The following ATP2C1 variants were observed in gnomAD, a reference collection of about 807,000 sequenced individuals.
ATP2C1 encodes calcium-transporting ATPase type 2C member 1.
ATP2C1 carries 31 observed loss-of-function variants against 120.5 expected under a neutral mutation model. The observed-to-expected ratio is 0.26, with a 90% CI of 0.19 to 0.35. The LOEUF (loss-of-function observed/expected upper bound fraction) is 0.35, where lower values mean the gene tolerates loss of function less well. ATP2C1 is among the 10% of genes least tolerant of loss of function. ATP2C1 has a pLI of 1.00. For synonymous variants in ATP2C1, 351 were observed against 358.7 expected (o/e 0.98, Z 0.24); for missense variants, 731 against 1,107.5 (o/e 0.66, Z 4.83).
intron 26 of ATP2C1, chr3:131,014,363 G>C: frequency 6.2e-7 from 1 of 1,605,154 alleles, no homozygotes; most frequent in East Asian, 2.2e-5. Context: ...GGCATAGTCC[G>C]TGCACCAGGC....
intron 7 of ATP2C1, among the ~76,000 whole-genome samples, chr3:130,941,223 AGTGTGTGTGTGTGTGTGTGTGT>A (rs71774561): frequency 6.9e-5 from 10 of 144,338 alleles, no homozygotes; most frequent in African/African-American, 2.1e-4. Flanking sequence ...TGTATTTAAC[AGTGTGTGTGTGTGTGTGTGTGT>A]GTGTGTGTGT....
chr3:130,909,200 G>C (rs901835043), intron 2 of ATP2C1, among the ~76,000 whole-genome samples: 1 of 152,114 alleles, frequency 6.6e-6, no homozygotes, highest in African/African-American at 2.4e-5. Context: ...GCAGTAAGGA[G>C]GCAGTGAGAT....
At chr3:131,014,162 C>T in intron 26 of ATP2C1, 4 of 1,613,956 alleles carry the variant, frequency 2.5e-6, no homozygotes, top group Non-Finnish European at 1.7e-6. Context: ...CAGTGGTTCT[C>T]CCTCTGTTCT....
At chr3:130,960,304 C>T (rs889578583) in intron 12 of ATP2C1, among the ~76,000 whole-genome samples, 8 of 152,090 alleles carry the variant, frequency 5.3e-5, no homozygotes, top group Admixed American at 1.3e-4. Flanking sequence ...CCTGAGAGTC[C>T]GCAGCAGTCC....
At chr3:130,914,070 CCTT>C (rs1559915116) in intron 2 of ATP2C1, among the ~76,000 whole-genome samples, 4 of 152,174 alleles carry the variant, frequency 2.6e-5, no homozygotes, top group African/African-American at 4.8e-5. Flanking sequence ...TCCTCCTCCT[CCTT>C]AGTACTCTTC....
intron 5 of ATP2C1, among the ~76,000 whole-genome samples, chr3:130,935,483 G>A (rs1005944370): frequency 3.9e-5 from 6 of 151,990 alleles, no homozygotes; most frequent in Non-Finnish European, 5.9e-5. Context: ...TAAAAAATTT[G>A]TAGCAAGTAA....
At chr3:130,935,033 A>G (rs1014576298) in intron 5 of ATP2C1, among the ~76,000 whole-genome samples, 2 of 152,006 alleles carry the variant, frequency 1.3e-5, no homozygotes, top group African/African-American at 2.4e-5. Context: ...GGGTCTTGTT[A>G]TGTTGCCCAG....
At chr3:130,972,671 G>A (rs2061378775) in intron 17 of ATP2C1, among the ~76,000 whole-genome samples, 1 of 130,102 alleles carries the variant, frequency 7.7e-6, no homozygotes, top group African/African-American at 3.0e-5. Context: ...GTGTCCATGT[G>A]TTCTCATTGT....
At chr3:130,918,589 A>G in intron 2 of ATP2C1, 13 of 718,016 alleles carry the variant, frequency 1.8e-5, no homozygotes, top group South Asian at 1.5e-4. Context: ...CATAAACTGT[A>G]GCCTTTTGGC....
intron 8 of ATP2C1, among the ~76,000 whole-genome samples, chr3:130,950,083 C>A (rs1387305521): frequency 6.6e-6 from 1 of 152,092 alleles, no homozygotes; most frequent in African/African-American, 2.4e-5. Flanking sequence ...TTCTGCCTTT[C>A]AGGAAACCTT....
chr3:131,000,385 CTTTTT>C (rs2062829432), intron 27 of ATP2C1, among the ~76,000 whole-genome samples: 1 of 152,052 alleles, frequency 6.6e-6, no homozygotes, highest in African/African-American at 2.4e-5. Flanking sequence ...ATTTCTTCCT[CTTTTT>C]AAAAAAATGG....
chr3:131,013,961 A>T, intron 26 of ATP2C1: 1 of 811,554 alleles, frequency 1.2e-6, no homozygotes, highest in Non-Finnish European at 1.9e-6. Flanking sequence ...CTAACAGGTC[A>T]GTCCTAAAGA....
rs111613898 is a variant in ATP2C1 at position 130,908,469 on chromosome 3, T to TAA, written c.6+13705_6+13706dup. Among the ~76,000 whole-genome samples the TAA allele has an allele frequency of 3.8e-3, 544 of 144,034 alleles. 1 individual carries two copies. Among genetic ancestry groups the TAA allele is most frequent in the Non-Finnish European group, 5.9e-3 (389 of 65,536 alleles). 94.5% of individuals were successfully genotyped at this position (144,034 alleles called of 152,430 possible). A position where few individuals can be genotyped will look rare whatever the true frequency, so the allele number is the denominator to read the frequency against. ...GTTATTGTGTGGTTCTATTAGAAAT[T>TAA]AAAAAAAAAAAACACCAGAAATACT... is the stretch of plus-strand genomic sequence containing the variant. On this transcript the variant is annotated intron_variant, in intron 2 of 27. Transcript: ENST00000510168.
At chr3:130,859,840 A>G (rs996342169) in intron 1 of ATP2C1, among the ~76,000 whole-genome samples, 1 of 152,256 alleles carries the variant, frequency 6.6e-6, no homozygotes, top group African/African-American at 2.4e-5. Flanking sequence ...TGTCTTTGAA[A>G]TAAGCACATT....
At chr3:130,981,937 G>A (rs1277585093) in intron 20 of ATP2C1, among the ~76,000 whole-genome samples, 1 of 152,088 alleles carries the variant, frequency 6.6e-6, no homozygotes, top group Non-Finnish European at 1.5e-5. Flanking sequence ...TATATAATGT[G>A]GATACAAGTC....
chr3:130,891,037 A>G (rs564949929), upstream of ATP2C1, among the ~76,000 whole-genome samples: 2 of 152,266 alleles, frequency 1.3e-5, no homozygotes, highest in East Asian at 1.9e-4. Flanking sequence ...TGATGGCATC[A>G]TTGCACTCCA....
At chr3:130,929,755 C>G (rs1191987278) in intron 2 of ATP2C1, 1 of 155,222 alleles carries the variant, frequency 6.4e-6, no homozygotes, top group South Asian at 2.0e-4. Flanking sequence ...TAGATAATTA[C>G]TTATGAAGCT....
At chr3:130,876,262 T>C (rs1194531020) in intron 1 of ATP2C1, among the ~76,000 whole-genome samples, 1 of 152,138 alleles carries the variant, frequency 6.6e-6, no homozygotes, top group Non-Finnish European at 1.5e-5. Context: ...CTTTGTGTCT[T>C]ACATTTAATT....
At chr3:130,978,274 C>A (rs953268765) in intron 18 of ATP2C1, among the ~76,000 whole-genome samples, 3 of 152,000 alleles carry the variant, frequency 2.0e-5, no homozygotes, top group African/African-American at 7.3e-5. Flanking sequence ...TGCTTTTAAC[C>A]TTGATTTTTT....
Sources: allele counts gnomAD v4.1 joint callset (sites outside exome capture counted in the v4.1 genomes callset), GRCh38; gene constraint gnomAD v4.1.1; transcripts MANE v1.5; gene names NCBI Gene and HGNC (gene_info 2026-07-23, HGNC 2026-07-21).